Variants in FANCI observed in about 807,000 individuals in gnomAD.
FANCI encodes the protein FA complementation group I.
In FANCI, 156 loss-of-function variants were observed where a neutral mutation model predicts 176.1. That is an observed-to-expected ratio of 0.89 (90% CI 0.78 to 1.01). The LOEUF (loss-of-function observed/expected upper bound fraction) is 1.01. Ranked by LOEUF, FANCI falls within the 50% of genes least tolerant of loss-of-function variation. The pLI, the probability that FANCI is intolerant of heterozygous loss-of-function variation, is 0.00. For synonymous variants in FANCI, 613 were observed against 541.7 expected (o/e 1.13, Z -1.83); for missense variants, 1,678 against 1,534.1 (o/e 1.09, Z -1.57).
chr15:89,260,619 T>G (rs75576496), intron 3 of FANCI, 94 bp from the exon 4 acceptor site: 5 of 1,494,748 alleles, frequency 3.3e-6, no homozygotes, highest in Non-Finnish European at 4.6e-6. Context: ...GATAATTCTG[T>G]TTTTTTGTAT....
At chr15:89,297,416 G>A (rs1237531379) in intron 24 of FANCI, among the ~76,000 whole-genome samples, 3 of 152,100 alleles carry the variant, frequency 2.0e-5, no homozygotes, top group Non-Finnish European at 4.4e-5. Flanking sequence ...AGGCGGCTGG[G>A]AGGTGGAGGT....
intron 32 of FANCI, 137 bp from the exon 33 acceptor site, chr15:89,307,339 C>G: frequency 2.5e-6 from 2 of 794,432 alleles, no homozygotes; most frequent in Non-Finnish European, 2.1e-6. Flanking sequence ...AATAAGGAAG[C>G]TTGTGTCTTG....
rs1005232714 is a variant in FANCI at position 89,268,443 on chromosome 15, T to C, written c.800T>C (p.Val267Ala). ...GTGCCATCAGGTGAACTTCGTCATG[T>C]GGAAGGCACCATTATTCTACACATT... The part of the protein sequence containing the change: ...VTVPSGELRH[V>A]EGTIILHIVF... The change falls in exon 10 of 38, where the codon GTG (valine) becomes GCG (alanine). Residue 267 changes from valine to alanine, a missense_variant. Around this residue, in one of 3 missense-constraint regions of FANCI, gnomAD observed 469 missense variants for 436.9 expected, o/e 1.07. Transcript: ENST00000310775. 6.2e-7 allele frequency: 1 copy of C among 1,614,220 alleles called. No homozygotes were observed.
chr15:89,257,582 C>A (rs1369542048), intron 2 of FANCI, among the ~76,000 whole-genome samples: 1 of 152,086 alleles, frequency 6.6e-6, no homozygotes, highest in African/African-American at 2.4e-5. Context: ...GTTTCTGTGT[C>A]CAGAGTTCCC....
At chr15:89,273,618 T>C (rs1323874918) in intron 11 of FANCI, 149 bp downstream of exon 11, 2 of 644,242 alleles carry the variant, frequency 3.1e-6, no homozygotes, top group African/African-American at 1.9e-5. Flanking sequence ...ATAAGACATG[T>C]ATGTCCCCTC....
chr15:89,312,730 G>A lies in FANCI; in HGVS notation c.3652-174G>A, dbSNP rs115331382. ...AGCTACTCGGGAGGCTGAGGCACAA[G>A]AATCACTTAACTCGGGGCGCAGAGG... On this transcript the variant is annotated intron_variant, in intron 34 of 37. Coordinates refer to ENST00000310775, the MANE Select transcript of FANCI (RefSeq NM_001113378.2). 5.0e-3 allele frequency among the ~76,000 whole-genome samples: 761 copies of A among 150,990 alleles called. 8 individuals carry two copies. Among genetic ancestry groups the A allele is most frequent in the African/African-American group, 0.017 (718 of 41,062 alleles).
Position 89,261,732 on chromosome 15 carries a change from T to C in FANCI, c.436T>C (p.Tyr146His). ...GGCTACGAAAAAGGAAAATCTGGCT[T>C]ATGGAAAAGGTAATTTTCTTCCGAC... ...ALATKKENLA[Y>H]GKGVLSGEEC... is the part of the protein sequence containing the mutation. Residue 146 changes from tyrosine (Y) to histidine (H), a missense_variant, in exon 5 of 38, where the codon TAT becomes CAT. This residue lies in a region of FANCI where 469 missense variants were observed against 436.9 expected (regional missense o/e 1.07). Transcript: ENST00000310775. The C allele has an allele frequency of 5.0e-6, 8 of 1,614,150 alleles. No homozygotes were observed. Among genetic ancestry groups the C allele is most frequent in the Non-Finnish European group, 6.8e-6 (8 of 1,180,014 alleles).
intron 15 of FANCI, among the ~76,000 whole-genome samples, 191 bp downstream of exon 15, chr15:89,281,491 C>G (rs2053612367): frequency 6.6e-6 from 1 of 152,214 alleles, no homozygotes; most frequent in Non-Finnish European, 1.5e-5. Context: ...CTATCCATAA[C>G]ACTATTCTCT....
intron 26 of FANCI, among the ~76,000 whole-genome samples, chr15:89,300,950 T>A (rs1056611404): frequency 2.0e-5 from 3 of 152,230 alleles, no homozygotes; most frequent in Admixed American, 6.5e-5. Flanking sequence ...ATCAAATACA[T>A]AGTTATTTCA....
intron 35 of FANCI, among the ~76,000 whole-genome samples, chr15:89,313,785 A>G (rs751651535): frequency 6.7e-6 from 1 of 149,684 alleles, no homozygotes; most frequent in African/African-American, 2.4e-5. Flanking sequence ...ATAGGTTATA[A>G]TATATTTATA....
intron 34 of FANCI, among the ~76,000 whole-genome samples, chr15:89,312,605 A>G (rs949695000): frequency 6.6e-6 from 1 of 152,208 alleles, no homozygotes; most frequent in African/African-American, 2.4e-5. Flanking sequence ...AGATCACCTG[A>G]GGCCAGGAGT....
intron 28 of FANCI, 85 bp from the exon 29 acceptor site, chr15:89,305,030 C>T (rs2054663776): frequency 3.3e-6 from 5 of 1,535,516 alleles, no homozygotes; most frequent in Non-Finnish European, 4.5e-6. Flanking sequence ...CCCGCCTTGG[C>T]CTCCCAAAGT....
chr15:89,261,471 C>A, intron 4 of FANCI, 114 bp from the exon 5 acceptor site: 1 of 1,299,276 alleles, frequency 7.7e-7, no homozygotes, highest in Non-Finnish European at 1.1e-6. Context: ...CCTTATGGGA[C>A]CAGTTCTGGA....
chr15:89,244,802 T>A (rs2051872193), intron 1 of FANCI, among the ~76,000 whole-genome samples: 1 of 152,198 alleles, frequency 6.6e-6, no homozygotes, highest in South Asian at 2.1e-4. Context: ...CCAAAAGTTG[T>A]TCATCTAAAA....
At chr15:89,251,748 T>A (rs2052261708) in intron 2 of FANCI, among the ~76,000 whole-genome samples, 1 of 152,156 alleles carries the variant, frequency 6.6e-6, no homozygotes, top group African/African-American at 2.4e-5. Context: ...TCTTCATGGA[T>A]CAGAGAAAGC....
At chr15:89,265,630 T>C (rs2090026636) in intron 9 of FANCI, among the ~76,000 whole-genome samples, 1 of 151,980 alleles carries the variant, frequency 6.6e-6, no homozygotes, top group Non-Finnish European at 1.5e-5. Context: ...TTCAAGAGAT[T>C]CTCCTCCCTC....
chr15:89,298,622 A>G (rs2054404546), intron 24 of FANCI, among the ~76,000 whole-genome samples: 1 of 152,202 alleles, frequency 6.6e-6, no homozygotes, highest in African/African-American at 2.4e-5. Context: ...AAGCACAACT[A>G]TGAAGAAGCA....
chr15:89,264,027 G>A lies in FANCI; in HGVS notation c.669+1G>A, dbSNP rs745324944. The A allele has an allele frequency of 6.2e-6, 10 of 1,613,960 alleles. No homozygotes were observed. Among genetic ancestry groups the A allele is most frequent in the Non-Finnish European group, 5.1e-6 (6 of 1,179,932 alleles). On this transcript the variant is annotated splice_donor_variant, in intron 8 of 37. Coordinates refer to ENST00000310775, the MANE Select transcript of FANCI (RefSeq NM_001113378.2). LOFTEE classifies it high-confidence loss of function. ...TCAGCTTCTGGTTCTCTCCTCCAAG[G>A]TACAAATGGAAAATTGTTTCTCCTT... is the stretch of plus-strand genomic sequence containing the variant.
chr15:89,287,119 T>G (rs1328027927), intron 18 of FANCI, among the ~76,000 whole-genome samples: 3 of 151,692 alleles, frequency 2.0e-5, no homozygotes, highest in South Asian at 2.1e-4. Flanking sequence ...GACTATAGGC[T>G]CACGCCACCA....
Sources: gnomAD v4.1 joint callset for allele counts (sites outside exome capture counted in the v4.1 genomes callset) on GRCh38, gnomAD v4.1.1 for gene constraint, gnomAD v4.1.1 regional missense constraint, MANE v1.5 for transcripts, NCBI Gene and HGNC (gene_info 2026-07-23, HGNC 2026-07-21) for gene names.